The following TARP variants were observed in gnomAD, a reference collection of about 807,000 sequenced individuals.
chr7:38,259,949 A>T, the TARP span: 1 of 813,546 alleles, frequency 1.2e-6, no homozygotes, highest in East Asian at 2.9e-5. Flanking sequence ...GAAAACCGTT[A>T]TACAATAATG....
the TARP span, among the ~76,000 whole-genome samples, chr7:38,269,837 T>A: frequency 2.6e-5 from 4 of 152,042 alleles, no homozygotes; most frequent in Admixed American, 6.6e-5. Context: ...CAGTGGTTTG[T>A]GCCTATAATT....
chr7:38,271,944 G>A, the TARP span, among the ~76,000 whole-genome samples: 3 of 151,264 alleles, frequency 2.0e-5, no homozygotes, highest in Non-Finnish European at 4.4e-5. Context: ...ACATTTGACT[G>A]TTTTACCTGT....
chr7:38,265,657 A>G, the TARP span: 1 of 1,602,874 alleles, frequency 6.2e-7, no homozygotes, highest in Non-Finnish European at 8.5e-7. Context: ...CTTGGGGGAA[A>G]CATCTGCATC....
chr7:38,262,226 A>T, the TARP span: 1 of 1,605,458 alleles, frequency 6.2e-7, no homozygotes, highest in Non-Finnish European at 8.5e-7. Context: ...CATCTAGAAG[A>T]ATGAGAGCAA....
chr7:38,271,472 A>G, the TARP span, among the ~76,000 whole-genome samples: 1 of 151,526 alleles, frequency 6.6e-6, no homozygotes, highest in Admixed American at 6.6e-5. Context: ...GCTTTGATCC[A>G]GAAGGACTAA....
chr7:38,263,039 G>A, the TARP span, among the ~76,000 whole-genome samples: 1 of 151,260 alleles, frequency 6.6e-6, no homozygotes, highest in African/African-American at 2.4e-5. Context: ...TCTCATCTAA[G>A]CAAAAAAAGC....
the TARP span, chr7:38,259,910 A>G: frequency 8.3e-6 from 5 of 601,552 alleles, no homozygotes; most frequent in Non-Finnish European, 1.4e-5. Flanking sequence ...GTTATTACAG[A>G]GTGAGGTTCT....
chr7:38,273,164 A>T, the TARP span, among the ~76,000 whole-genome samples: 1 of 151,436 alleles, frequency 6.6e-6, no homozygotes, highest in East Asian at 1.9e-4. Context: ...AAATATTTTA[A>T]CATTTGATAT....
At chr7:38,260,316 C>G in the TARP span, 47 of 905,786 alleles carry the variant, frequency 5.2e-5, no homozygotes, top group Non-Finnish European at 7.2e-5. Flanking sequence ...TGATGATTTA[C>G]GTTGAAGTGA....
At chr7:38,265,803 G>A in the TARP span, 93,236 of 730,078 alleles carry the variant, frequency 0.13, 6,701 homozygotes, top group South Asian at 0.17. Context: ...TGTCCACTGC[G>A]GCCTTTCATC....
chr7:38,271,364 T>G, the TARP span, among the ~76,000 whole-genome samples: 1 of 151,430 alleles, frequency 6.6e-6, no homozygotes, highest in South Asian at 2.1e-4. Context: ...TGAAGCTTTT[T>G]TTCCCCAAAA....
chr7:38,270,631 C>T, the TARP span, among the ~76,000 whole-genome samples: 31 of 151,550 alleles, frequency 2.0e-4, no homozygotes, highest in Non-Finnish European at 3.2e-4. Flanking sequence ...CCTGGCTTTA[C>T]CCTTCAAGGC....
the TARP span, among the ~76,000 whole-genome samples, chr7:38,261,744 C>G: frequency 6.6e-6 from 1 of 150,466 alleles, no homozygotes; most frequent in African/African-American, 2.5e-5. Context: ...TGGTGGCACG[C>G]GCCTGTAGTC....
At chr7:38,266,536 A>G in the TARP span, among the ~76,000 whole-genome samples, 2 of 151,850 alleles carry the variant, frequency 1.3e-5, no homozygotes, top group Non-Finnish European at 2.9e-5. Context: ...TCCTGCGCTC[A>G]AGTGATCTGC....
the TARP span, chr7:38,273,438 G>A: frequency 1.8e-5 from 11 of 627,172 alleles, no homozygotes; most frequent in Non-Finnish European, 2.7e-5. Context: ...GAAAAGTTCT[G>A]ACTCCTAAGG....
At chr7:38,271,471 C>T in the TARP span, among the ~76,000 whole-genome samples, 1 of 150,500 alleles carries the variant, frequency 6.6e-6, no homozygotes, top group Non-Finnish European at 1.5e-5. Context: ...TGCTTTGATC[C>T]AGAAGGACTA....
chr7:38,270,010 G>C, the TARP span, among the ~76,000 whole-genome samples: 46 of 152,050 alleles, frequency 3.0e-4, no homozygotes, highest in South Asian at 9.6e-3. Context: ...GCTGAGGCAG[G>C]AGGGTCACTT....
At chr7:38,273,288 T>A in the TARP span, among the ~76,000 whole-genome samples, 3 of 150,830 alleles carry the variant, frequency 2.0e-5, no homozygotes, top group East Asian at 5.8e-4. Flanking sequence ...TTTTTAGAAC[T>A]GAAGAAATAA....
the TARP span, chr7:38,262,233 G>C: frequency 6.3e-7 from 1 of 1,594,246 alleles, no homozygotes; most frequent in Non-Finnish European, 8.6e-7. Context: ...AAGAATGAGA[G>C]CAAGTACTAG....
Sources: allele counts gnomAD v4.1 joint callset (sites outside exome capture counted in the v4.1 genomes callset), GRCh38; gene constraint gnomAD v4.1.1; transcripts MANE v1.5.